The following SORCS2 variants were observed in gnomAD, a reference collection of about 807,000 sequenced individuals.
The protein encoded by SORCS2 is sortilin related VPS10 domain containing receptor 2.
A neutral mutation model predicts 141.6 loss-of-function variants in SORCS2; 100 were observed. The observed-to-expected ratio is 0.71, with a 90% CI of 0.60 to 0.83. SORCS2 has a LOEUF of 0.83. Ranked by LOEUF, SORCS2 falls within the 40% of genes least tolerant of loss-of-function variation. The pLI is 0.00. For missense variants in SORCS2, 1,646 were observed against 1,560.2 expected, an observed-to-expected ratio of 1.05 and a Z score of -0.93; for synonymous variants, 789 against 676.9, an observed-to-expected ratio of 1.17 and a Z score of -2.57.
At chr4:7,567,332 C>T (rs577184802) in intron 3 of SORCS2, among the ~76,000 whole-genome samples, 10 of 152,228 alleles carry the variant, frequency 6.6e-5, no homozygotes, top group South Asian at 4.1e-4. Flanking sequence ...CAGGACTCCA[C>T]GTTACATGTA....
At chr4:7,582,596 G>T (rs1716231494) in intron 3 of SORCS2, among the ~76,000 whole-genome samples, 1 of 151,922 alleles carries the variant, frequency 6.6e-6, no homozygotes, top group Non-Finnish European at 1.5e-5. Flanking sequence ...CAGCTCCCTC[G>T]CTGCAATCTA....
chr4:7,207,424 G>T (rs553890706), intron 1 of SORCS2, among the ~76,000 whole-genome samples: 1 of 152,328 alleles, frequency 6.6e-6, no homozygotes, highest in South Asian at 2.1e-4. Flanking sequence ...GGGCCCAGCT[G>T]CTGGGCTGGA....
At chr4:7,657,770 G>C (rs1721883092) in intron 5 of SORCS2, among the ~76,000 whole-genome samples, 1 of 151,970 alleles carries the variant, frequency 6.6e-6, no homozygotes. Flanking sequence ...GGCTGAGTGA[G>C]TGAGTCTGTG....
chr4:7,285,783 G>C (rs767771683), intron 1 of SORCS2, among the ~76,000 whole-genome samples: 12 of 152,232 alleles, frequency 7.9e-5, no homozygotes, highest in Admixed American at 3.3e-4. Flanking sequence ...TTAGTCTGGC[G>C]TGGGCTGCTA....
chr4:7,725,797 G>T (rs1196277523), intron 20 of SORCS2, among the ~76,000 whole-genome samples: 1 of 152,182 alleles, frequency 6.6e-6, no homozygotes, highest in African/African-American at 2.4e-5. Flanking sequence ...CCCAGTGAAG[G>T]GCATCCTCCA....
intron 1 of SORCS2, among the ~76,000 whole-genome samples, chr4:7,381,191 G>C (rs1352586819): frequency 1.3e-5 from 2 of 152,184 alleles, no homozygotes; most frequent in African/African-American, 4.8e-5. Flanking sequence ...TGAATGATCA[G>C]ATATTGGGTT....
rs531592501 is a variant in SORCS2 at position 7,575,720 on chromosome 4, C to G, written c.648+44091C>G. On this transcript the variant is annotated intron_variant, in intron 3 of 26. Transcript: ENST00000507866. ...TGGACTGGACACTTGCTCCTGTGTC[C>G]TTGTTTACCCATGGCTTAGTGCTGA... Among the ~76,000 whole-genome samples the G allele has an allele frequency of 1.3e-4, 20 of 152,320 alleles. 1 individual carries two copies. The South Asian group carries it at 3.9e-3, about 30-fold the overall frequency.
At chr4:7,198,783 G>A (rs1391262015) in intron 1 of SORCS2, among the ~76,000 whole-genome samples, 1 of 152,174 alleles carries the variant, frequency 6.6e-6, no homozygotes, top group Non-Finnish European at 1.5e-5. Context: ...AGAACCATGA[G>A]GGAGCCGGGG....
At chr4:7,420,755 C>G (rs1387027070) in intron 2 of SORCS2, among the ~76,000 whole-genome samples, 1 of 152,328 alleles carries the variant, frequency 6.6e-6, no homozygotes, top group East Asian at 1.9e-4. Flanking sequence ...AGGACCCACA[C>G]GGTCCTGAGG....
Position 7,218,332 on chromosome 4 carries a change from C to T in SORCS2, c.480+25206C>T, listed in dbSNP as rs374077863. On this transcript the variant is annotated intron_variant, in intron 1 of 26. Transcript: ENST00000507866. ...TCCTCGATCACTTCAAGAATGGCCT[C>T]GGTAGCCATAAAGGAAATTAGTTTC... Among the ~76,000 whole-genome samples, 20 of 152,230 alleles carry T rather than the reference C, an allele frequency of 1.3e-4. No individual in the cohort carries two copies. The East Asian group carries it at 2.5e-3, about 19-fold the overall frequency.
intron 10 of SORCS2, among the ~76,000 whole-genome samples, 152 bp from the exon 11 acceptor site, chr4:7,689,334 C>A (rs1724068469): frequency 6.6e-6 from 1 of 152,232 alleles, no homozygotes; most frequent in South Asian, 2.1e-4. Context: ...AGCCTCACAC[C>A]TGCTTCCCAT....
chr4:7,413,353 T>G (rs1398022321), intron 2 of SORCS2, among the ~76,000 whole-genome samples: 1 of 150,792 alleles, frequency 6.6e-6, no homozygotes, highest in Non-Finnish European at 1.5e-5. Context: ...AATTATGTAT[T>G]AAACATGTTC....
chr4:7,380,626 G>A (rs978759027), intron 1 of SORCS2, among the ~76,000 whole-genome samples: 3 of 152,272 alleles, frequency 2.0e-5, no homozygotes, highest in Non-Finnish European at 4.4e-5. Context: ...TAGACTGCCT[G>A]TGGCAGCCCC....
chr4:7,262,163 C>G (rs1714371719), intron 1 of SORCS2, among the ~76,000 whole-genome samples: 1 of 143,906 alleles, frequency 6.9e-6, no homozygotes, highest in South Asian at 2.3e-4. Context: ...CCCATCCATT[C>G]TCCCACCCAC....
At chr4:7,643,084 C>T (rs936539827) in intron 4 of SORCS2, among the ~76,000 whole-genome samples, 5 of 152,220 alleles carry the variant, frequency 3.3e-5, no homozygotes, top group African/African-American at 9.6e-5. Context: ...GCCCTGCCTC[C>T]AGCAAACACC....
chr4:7,627,176 G>A (rs1719565334), intron 3 of SORCS2, among the ~76,000 whole-genome samples: 1 of 152,006 alleles, frequency 6.6e-6, no homozygotes, highest in South Asian at 2.1e-4. Flanking sequence ...GGAGAGACAG[G>A]GTTTCGCCTT....
intron 3 of SORCS2, among the ~76,000 whole-genome samples, chr4:7,613,296 A>G (rs1425041719): frequency 3.3e-5 from 5 of 152,228 alleles, no homozygotes; most frequent in Non-Finnish European, 7.3e-5. Context: ...GGCCCAATAA[A>G]CTAACGAATG....
intron 2 of SORCS2, among the ~76,000 whole-genome samples, chr4:7,480,436 C>T (rs574485628): frequency 1.3e-4 from 20 of 152,222 alleles, no homozygotes; most frequent in African/African-American, 3.9e-4. Flanking sequence ...AAATACAGCC[C>T]GGGGGGTTGG....
intron 14 of SORCS2, among the ~76,000 whole-genome samples, chr4:7,708,442 C>G (rs1312041951): frequency 2.0e-5 from 3 of 152,142 alleles, no homozygotes; most frequent in Admixed American, 6.5e-5. Flanking sequence ...CACTGAACAT[C>G]CAGTACCCGC....
Sources: gnomAD v4.1 joint callset for allele counts (sites outside exome capture counted in the v4.1 genomes callset) on GRCh38, gnomAD v4.1.1 for gene constraint, MANE v1.5 for transcripts, NCBI Gene and HGNC (gene_info 2026-07-23, HGNC 2026-07-21) for gene names.